DLC1: variants seen among roughly 807,000 people sequenced by gnomAD.
The protein encoded by DLC1 is DLC1 Rho GTPase activating protein.
DLC1 carries 54 observed loss-of-function variants against 140.3 expected under a neutral mutation model. The ratio of observed to expected loss-of-function variants is 0.38; its 90% CI spans 0.31 to 0.48. DLC1 has a LOEUF of 0.48. DLC1 is among the 20% of genes least tolerant of loss of function. DLC1 has a pLI of 0.96. For synonymous variants in DLC1, 986 were observed against 728.1 expected, an observed-to-expected ratio of 1.35 and a Z score of -5.70; for missense variants, 2,536 against 1,907.0, an observed-to-expected ratio of 1.33 and a Z score of -6.14.
In DLC1 at chr8:13,550,416, T is replaced by A. The variant is rs1050484458; in HGVS notation, c.-125-50220A>T. Among the ~76,000 whole-genome samples, 4 of 152,220 alleles carry A rather than the reference T, an allele frequency of 2.6e-5. No individual in the cohort carries two copies. In the South Asian group the frequency reaches 8.3e-4, roughly 32 times the overall value. ...CTTCTCTTCTTTATGAATTACCCAG[T>A]CTTAATAGTATCTTTGTAGCAATGT... is the stretch of plus-strand genomic sequence containing the variant. On this transcript the variant is annotated intron_variant, in intron 1 of 1. Transcript: ENST00000631382.
At chr8:13,223,701 C>A (rs1828662401) in intron 5 of DLC1, among the ~76,000 whole-genome samples, 1 of 152,190 alleles carries the variant, frequency 6.6e-6, no homozygotes, top group South Asian at 2.1e-4. Flanking sequence ...CAATAAACAA[C>A]AAGCACTCCA....
At chr8:13,139,288 CAAAAAAAAAAAAAAAAAA>C (rs67684524) in intron 5 of DLC1, among the ~76,000 whole-genome samples, 2 of 49,286 alleles carry the variant, frequency 4.1e-5, no homozygotes, top group Non-Finnish European at 7.3e-5. Flanking sequence ...GACCCTGTCT[CAAAAAAAAAAAAAAAAAA>C]AAAAAAAAAA....
chr8:13,170,739 A>C (rs2116925411), intron 5 of DLC1, among the ~76,000 whole-genome samples: 1 of 152,076 alleles, frequency 6.6e-6, no homozygotes, highest in South Asian at 2.1e-4. Flanking sequence ...CAAAAAAAAA[A>C]AAAAAAAAAA....
chr8:13,533,406 G>A (rs1803166358), intron 1 of DLC1, among the ~76,000 whole-genome samples: 1 of 152,100 alleles, frequency 6.6e-6, no homozygotes, highest in Non-Finnish European at 1.5e-5. Context: ...TGTGGTTTCA[G>A]GCAAAATAAC....
At chr8:13,554,142 C>G (rs528592383) in intron 1 of DLC1, among the ~76,000 whole-genome samples, 5 of 152,270 alleles carry the variant, frequency 3.3e-5, no homozygotes, top group African/African-American at 9.6e-5. Context: ...TCTCCACTCA[C>G]TGCAACCTCT....
Position 13,453,404 on chromosome 8 carries a change from GTA to G in DLC1, c.1023+45643_1023+45644del, listed in dbSNP as rs1252499122. ...TGGCCCAGGATATATATATATATGT[GTA>G]TATATATATATATATATGTGTATAT... On this transcript the variant is annotated intron_variant, in intron 2 of 17. Coordinates refer to ENST00000276297, the MANE Select transcript of DLC1 (RefSeq NM_182643.3). Among the ~76,000 whole-genome samples the G allele has an allele frequency of 3.9e-3, 90 of 22,956 alleles. 2 individuals carry two copies. The highest frequency in any genetic ancestry group is 5.7e-3 in the Non-Finnish European group (75 of 13,216). 15.1% of individuals were successfully genotyped at this position (22,956 alleles called of 152,430 possible). A position where few individuals can be genotyped will look rare whatever the true frequency, so the allele number is the denominator to read the frequency against.
intron 1 of DLC1, chr8:13,566,983 T>C: frequency 2.0e-6 from 3 of 1,537,994 alleles, no homozygotes; most frequent in Non-Finnish European, 2.6e-6. Context: ...CCGAGCCTGA[T>C]GCATTGTGAT....
rs114238424 is a variant in DLC1 at position 13,343,256 on chromosome 8, C to T, written c.1315-37954G>A. The stretch of plus-strand genomic sequence containing the variant: ...TCCTCCAGTTAGTTCATGTTGTTTG[C>T]AGCCTTAAGTGTAGATACACCAAGT... On this transcript the variant is annotated intron_variant, in intron 4 of 17. Transcript: ENST00000276297. Among the ~76,000 whole-genome samples the T allele has an allele frequency of 7.6e-3, 1,151 of 152,210 alleles. 18 individuals are homozygous for T. Among genetic ancestry groups the T allele is most frequent in the African/African-American group, 0.026 (1,079 of 41,518 alleles).
At chr8:13,132,006 C>T (rs970217460) in intron 5 of DLC1, among the ~76,000 whole-genome samples, 2 of 152,114 alleles carry the variant, frequency 1.3e-5, no homozygotes, top group African/African-American at 4.8e-5. Flanking sequence ...GTGGGGACAG[C>T]GACATGGAGT....
intron 1 of DLC1, among the ~76,000 whole-genome samples, chr8:13,546,320 T>C (rs1360367955): frequency 2.6e-5 from 4 of 152,156 alleles, no homozygotes; most frequent in African/African-American, 9.7e-5. Context: ...TGTTTTCTTT[T>C]AATCAGTTGC....
intron 5 of DLC1, among the ~76,000 whole-genome samples, chr8:13,247,086 A>C (rs1229140915): frequency 6.6e-6 from 1 of 152,218 alleles, no homozygotes; most frequent in Non-Finnish European, 1.5e-5. Context: ...GCCCAGAAAG[A>C]AATAAGCTGC....
intron 7 of DLC1, among the ~76,000 whole-genome samples, chr8:13,104,300 T>C (rs917659806): frequency 1.4e-5 from 2 of 145,920 alleles, no homozygotes; most frequent in Non-Finnish European, 3.0e-5. Flanking sequence ...CAAACAGCAA[T>C]ATCAATTTAA....
intron 5 of DLC1, among the ~76,000 whole-genome samples, chr8:13,147,561 G>C (rs1044455998): frequency 1.3e-5 from 2 of 152,168 alleles, no homozygotes; most frequent in African/African-American, 4.8e-5. Context: ...GAATTTAAGT[G>C]TATAATGAAG....
At chr8:13,283,336 T>G (rs1296857186) in intron 5 of DLC1, among the ~76,000 whole-genome samples, 1 of 148,352 alleles carries the variant, frequency 6.7e-6, no homozygotes, top group Non-Finnish European at 1.5e-5. Context: ...AGAAAAGAAA[T>G]CAACTTTTTT....
chr8:13,232,683 T>C (rs1217443196), intron 5 of DLC1, among the ~76,000 whole-genome samples: 1 of 152,206 alleles, frequency 6.6e-6, no homozygotes, highest in African/African-American at 2.4e-5. Flanking sequence ...GATGCTTCTC[T>C]GACATTCACA....
chr8:13,571,543 A>C (rs1009035400), intron 1 of DLC1, among the ~76,000 whole-genome samples: 1 of 152,214 alleles, frequency 6.6e-6, no homozygotes, highest in Admixed American at 6.5e-5. Context: ...TTTATAGCTG[A>C]GTAATATTCC....
intron 5 of DLC1, among the ~76,000 whole-genome samples, chr8:13,141,516 T>A (rs1266849634): frequency 1.3e-5 from 2 of 152,186 alleles, no homozygotes; most frequent in East Asian, 3.9e-4. Flanking sequence ...ACTCATGAGT[T>A]TATTTCCACT....
intron 1 of DLC1, among the ~76,000 whole-genome samples, chr8:13,592,971 C>G (rs560415995): frequency 6.6e-5 from 10 of 152,010 alleles, no homozygotes; most frequent in African/African-American, 2.4e-4. Flanking sequence ...CTTTTTTCTT[C>G]CAAATATTTC....
At chr8:13,574,117 T>C (rs891757428) in intron 1 of DLC1, among the ~76,000 whole-genome samples, 42 of 152,306 alleles carry the variant, frequency 2.8e-4, no homozygotes, top group African/African-American at 9.6e-4. Context: ...TGAGTAGCTG[T>C]TTTCTGTAAT....
Sources: allele counts gnomAD v4.1 joint callset (sites outside exome capture counted in the v4.1 genomes callset), GRCh38; gene constraint gnomAD v4.1.1; transcripts MANE v1.5; gene names NCBI Gene and HGNC (gene_info 2026-07-23, HGNC 2026-07-21).